FAM120A: variants seen among roughly 807,000 people sequenced by gnomAD.
FAM120A encodes constitutive coactivator of PPAR-gamma-like protein 1.
FAM120A carries 15 observed loss-of-function variants against 109.7 expected under a neutral mutation model. The observed-to-expected ratio is 0.14, with a 90% CI of 0.09 to 0.21. The LOEUF (loss-of-function observed/expected upper bound fraction) is 0.21. Ranked by LOEUF, FAM120A falls within the 10% of genes least tolerant of loss-of-function variation. FAM120A has a pLI of 1.00. For synonymous variants in FAM120A, 493 were observed against 572.8 expected (o/e 0.86, Z 1.99); for missense variants, 899 against 1,439.3 (o/e 0.62, Z 6.07).
At chr9:93,541,510 C>A (rs909469704) in intron 10 of FAM120A, among the ~76,000 whole-genome samples, 7 of 152,056 alleles carry the variant, frequency 4.6e-5, no homozygotes, top group Admixed American at 6.6e-5. Flanking sequence ...TATATCTATA[C>A]CTAAAAGTAT....
chr9:93,538,748 C>T (rs1006266242), intron 10 of FAM120A, among the ~76,000 whole-genome samples: 7 of 152,180 alleles, frequency 4.6e-5, no homozygotes, highest in African/African-American at 1.7e-4. Flanking sequence ...ACAAAATGAA[C>T]CATGTATATT....
intron 5 of FAM120A, among the ~76,000 whole-genome samples, chr9:93,502,003 C>G (rs1289558533): frequency 1.3e-5 from 2 of 152,066 alleles, no homozygotes; most frequent in Non-Finnish European, 1.5e-5. Context: ...TCTGGCAACT[C>G]AAGTTAGAAC....
At chr9:93,479,319 C>T (rs1018582818) in intron 3 of FAM120A, among the ~76,000 whole-genome samples, 7 of 151,866 alleles carry the variant, frequency 4.6e-5, no homozygotes, top group Non-Finnish European at 8.8e-5. Context: ...GGGATGGTCT[C>T]GATCTCCTGA....
chr9:93,523,310 T>G (rs1164167802), intron 7 of FAM120A: 2 of 1,289,352 alleles, frequency 1.6e-6, no homozygotes, highest in Admixed American at 4.6e-5. Context: ...AAAAAAACTT[T>G]GTGTTTCACA....
At chr9:93,512,593 A>C (rs1860378155) in intron 5 of FAM120A, among the ~76,000 whole-genome samples, 1 of 151,954 alleles carries the variant, frequency 6.6e-6, no homozygotes, top group Non-Finnish European at 1.5e-5. Context: ...AGAGAGTGAG[A>C]AACTGGTGGT....
intron 5 of FAM120A, among the ~76,000 whole-genome samples, chr9:93,508,322 T>C (rs1020247788): frequency 5.9e-5 from 9 of 152,232 alleles, no homozygotes; most frequent in African/African-American, 2.2e-4. Context: ...CACAGTGACC[T>C]CTGGGTGTAG....
At chr9:93,523,677 C>T (rs1282834000) in intron 7 of FAM120A, among the ~76,000 whole-genome samples, 6 of 152,198 alleles carry the variant, frequency 3.9e-5, no homozygotes, top group Admixed American at 3.9e-4. Flanking sequence ...GGGATAGCTC[C>T]GTGACCAGTT....
At chr9:93,549,487 C>T (rs952743286) in intron 11 of FAM120A, among the ~76,000 whole-genome samples, 1 of 152,198 alleles carries the variant, frequency 6.6e-6, no homozygotes, top group African/African-American at 2.4e-5. Flanking sequence ...TCTCAATGAG[C>T]TGTCTAGAAC....
intron 5 of FAM120A, among the ~76,000 whole-genome samples, chr9:93,508,594 A>T (rs775497242): frequency 2.0e-5 from 3 of 152,160 alleles, no homozygotes; most frequent in Non-Finnish European, 4.4e-5. Flanking sequence ...TGTGAAAGTT[A>T]CTTGTGACAA....
intron 3 of FAM120A, among the ~76,000 whole-genome samples, chr9:93,481,221 A>C (rs189864808): frequency 1.3e-4 from 20 of 152,356 alleles, no homozygotes; most frequent in Admixed American, 1.1e-3. Flanking sequence ...CTAAGTGAGC[A>C]GTTTTTCAAA....
At position 93,516,103 on chromosome 9, in the gene FAM120A, T is replaced by G; in HGVS notation, c.1252T>G (p.Tyr418Asp). ...SGKNLTEQNS[Y>D]SNIPHEGKHT... ...GAAGAATCTGACGGAGCAGAACAGC[T>G]ACAGCAACATTCCTCACGAAGGGAA... is the stretch of plus-strand genomic sequence containing the variant. The change falls in exon 7 of 18, where the codon TAC (tyrosine) becomes GAC (aspartate). Residue 418 changes from tyrosine to aspartate, a missense_variant. Transcript: ENST00000277165. 6.2e-7 allele frequency: 1 copy of G among 1,613,408 alleles called. No individual in the cohort carries two copies. Among genetic ancestry groups the G allele is most frequent in the Non-Finnish European group, 8.5e-7 (1 of 1,179,756 alleles).
chr9:93,456,401 A>G (rs1187155425), intron 1 of FAM120A, among the ~76,000 whole-genome samples: 1 of 152,266 alleles, frequency 6.6e-6, no homozygotes, highest in South Asian at 2.1e-4. Context: ...GCTCTTACAT[A>G]AAATGGCGTT....
intron 12 of FAM120A, among the ~76,000 whole-genome samples, chr9:93,555,097 A>G (rs1862247282): frequency 6.6e-6 from 1 of 152,156 alleles, no homozygotes; most frequent in African/African-American, 2.4e-5. Flanking sequence ...ATTTTGTTCT[A>G]GTATGACCTC....
At chr9:93,515,355 A>G (rs1330744713) in intron 5 of FAM120A, among the ~76,000 whole-genome samples, 5 of 152,224 alleles carry the variant, frequency 3.3e-5, no homozygotes, top group African/African-American at 9.7e-5. Flanking sequence ...ATCCCCACCA[A>G]GTTGCAGGCA....
intron 12 of FAM120A, among the ~76,000 whole-genome samples, chr9:93,555,507 C>A (rs1862257571): frequency 6.6e-6 from 1 of 152,210 alleles, no homozygotes; most frequent in Non-Finnish European, 1.5e-5. Flanking sequence ...ATAAACATTG[C>A]ATTCTTGAAA....
chr9:93,495,014 G>T (rs527632290), intron 3 of FAM120A, among the ~76,000 whole-genome samples: 1 of 152,194 alleles, frequency 6.6e-6, no homozygotes, highest in South Asian at 2.1e-4. Flanking sequence ...ATCACCCAGG[G>T]TTTCCATAGT....
At chr9:93,494,602 C>A (rs1464984758) in intron 3 of FAM120A, among the ~76,000 whole-genome samples, 1 of 152,204 alleles carries the variant, frequency 6.6e-6, no homozygotes, top group Non-Finnish European at 1.5e-5. Flanking sequence ...GGTCGGGCAG[C>A]TCTGCAGGTT....
intron 5 of FAM120A, among the ~76,000 whole-genome samples, chr9:93,514,252 C>T (rs962672056): frequency 1.3e-5 from 2 of 152,126 alleles, no homozygotes; most frequent in Non-Finnish European, 2.9e-5. Context: ...GAGAAACTGC[C>T]CCTATGATCC....
chr9:93,546,761 CCTT>C (rs1452126601), intron 11 of FAM120A, among the ~76,000 whole-genome samples: 1 of 152,212 alleles, frequency 6.6e-6, no homozygotes, highest in African/African-American at 2.4e-5. Flanking sequence ...GCTCCAATAA[CCTT>C]CTCTTTACAA....
Sources: gnomAD v4.1 joint callset for allele counts (sites outside exome capture counted in the v4.1 genomes callset) on GRCh38, gnomAD v4.1.1 for gene constraint, MANE v1.5 for transcripts, NCBI Gene and HGNC (gene_info 2026-07-23, HGNC 2026-07-21) for gene names.